Variants in RIMS2 observed in about 807,000 individuals in gnomAD.
RIMS2 encodes the protein regulating synaptic membrane exocytosis 2, also known as regulating synaptic membrane exocytosis protein 2.
RIMS2 carries 59 observed loss-of-function variants against 174.4 expected under a neutral mutation model. The ratio of observed to expected loss-of-function variants is 0.34; its 90% CI spans 0.27 to 0.42. RIMS2 has a LOEUF of 0.42. Among genes scored for constraint, RIMS2 ranks in the 10% least tolerant of loss-of-function variants. RIMS2 has a pLI of 1.00. For synonymous variants in RIMS2, 606 were observed against 572.5 expected (o/e 1.06, Z -0.84); for missense variants, 1,620 against 1,666.3 (o/e 0.97, Z 0.48).
chr8:103,830,230 G>A (rs1239960928), intron 3 of RIMS2, among the ~76,000 whole-genome samples: 3 of 151,764 alleles, frequency 2.0e-5, no homozygotes, highest in Non-Finnish European at 4.4e-5. Flanking sequence ...AATGATTACT[G>A]TTCCTGTCTT....
At chr8:103,753,043 C>T (rs1189847634) in intron 2 of RIMS2, among the ~76,000 whole-genome samples, 4 of 151,944 alleles carry the variant, frequency 2.6e-5, no homozygotes, top group Non-Finnish European at 2.9e-5. Context: ...CCAGTTTTTG[C>T]CCATTCAGTA....
At chr8:104,168,975 C>A (rs1281023542) in intron 19 of RIMS2, among the ~76,000 whole-genome samples, 1 of 151,966 alleles carries the variant, frequency 6.6e-6, no homozygotes, top group Non-Finnish European at 1.5e-5. Context: ...GTTAAACCAT[C>A]CCTGCATCCC....
chr8:104,203,401 A>G (rs554199176), intron 19 of RIMS2, among the ~76,000 whole-genome samples: 38 of 152,150 alleles, frequency 2.5e-4, no homozygotes, highest in Admixed American at 2.2e-3. Context: ...AAGTGAAGAC[A>G]CTAAGTGAAG....
chr8:104,184,013 T>C (rs2098955010), intron 19 of RIMS2, among the ~76,000 whole-genome samples: 1 of 151,552 alleles, frequency 6.6e-6, no homozygotes, highest in Non-Finnish European at 1.5e-5. Context: ...ACTGAAACAT[T>C]GTATTTTTTC....
At chr8:104,115,890 T>C (rs1238500054) in intron 19 of RIMS2, among the ~76,000 whole-genome samples, 1 of 152,178 alleles carries the variant, frequency 6.6e-6, no homozygotes. Flanking sequence ...CTAATTCTTA[T>C]GTTATCTTTG....
chr8:103,577,433 A>T (rs2093328008), intron 1 of RIMS2, among the ~76,000 whole-genome samples: 1 of 152,154 alleles, frequency 6.6e-6, no homozygotes, highest in Non-Finnish European at 1.5e-5. Context: ...ACATGGACAC[A>T]GGGAGGGGAA....
intron 2 of RIMS2, among the ~76,000 whole-genome samples, chr8:103,761,596 C>T (rs2098113804): frequency 6.6e-6 from 1 of 152,168 alleles, no homozygotes; most frequent in South Asian, 2.1e-4. Flanking sequence ...ACCCATTCCA[C>T]TTATAATCCA....
chr8:103,730,385 A>T (rs1233539766), intron 2 of RIMS2, among the ~76,000 whole-genome samples: 3 of 152,016 alleles, frequency 2.0e-5, no homozygotes, highest in Admixed American at 6.6e-5. Flanking sequence ...TTGCTGATTG[A>T]CACCTTTATC....
chr8:104,251,124 A>G (rs2099357782), exon 23 of RIMS2: 1 of 1,613,288 alleles, frequency 6.2e-7, no homozygotes, highest in Non-Finnish European at 8.5e-7. Context: ...ACCAGCAGCT[A>G]TTATCTTTCG....
intron 19 of RIMS2, among the ~76,000 whole-genome samples, chr8:104,110,273 C>T (rs970500466): frequency 2.6e-5 from 4 of 152,040 alleles, no homozygotes; most frequent in Non-Finnish European, 5.9e-5. Flanking sequence ...TTCAGGGTTC[C>T]TTCCACTTCA....
intron 19 of RIMS2, among the ~76,000 whole-genome samples, chr8:104,228,024 CT>C (rs1004772231): frequency 0.02 from 2,665 of 133,554 alleles, 55 homozygotes; most frequent in African/African-American, 0.064. Context: ...TGTTTCTTTT[CT>C]TTTTTTTTTT....
At chr8:103,631,539 A>G (rs2095921039) in intron 1 of RIMS2, among the ~76,000 whole-genome samples, 1 of 152,188 alleles carries the variant, frequency 6.6e-6, no homozygotes, top group Admixed American at 6.5e-5. Context: ...GTAGCCTTGT[A>G]GTATAGTTCA....
At chr8:104,150,722 T>C (rs1406094826) in intron 19 of RIMS2, among the ~76,000 whole-genome samples, 1 of 152,114 alleles carries the variant, frequency 6.6e-6, no homozygotes, top group Non-Finnish European at 1.5e-5. Context: ...GAGATGAGGC[T>C]AGTAGATAAA....
At chr8:104,041,861 G>GT (rs1473081881) in intron 19 of RIMS2, among the ~76,000 whole-genome samples, 1 of 151,578 alleles carries the variant, frequency 6.6e-6, no homozygotes, top group African/African-American at 2.4e-5. Context: ...CACTGTTTAT[G>GT]TGTCAAGGCA....
exon 14 of RIMS2, chr8:103,942,822 A>T: frequency 6.2e-7 from 1 of 1,612,964 alleles, no homozygotes; most frequent in Non-Finnish European, 8.5e-7. Flanking sequence ...CCACATTGGT[A>T]CAAACTTCAG....
intron 2 of RIMS2, among the ~76,000 whole-genome samples, chr8:103,741,194 C>T (rs2097758444): frequency 6.6e-6 from 1 of 151,894 alleles, no homozygotes; most frequent in Non-Finnish European, 1.5e-5. Flanking sequence ...ACAAAAGGGA[C>T]TGGTTTTCTT....
chr8:104,090,540 GA>G (rs1391223363), intron 19 of RIMS2, among the ~76,000 whole-genome samples: 2 of 151,706 alleles, frequency 1.3e-5, no homozygotes, highest in Non-Finnish European at 3.0e-5. Flanking sequence ...TGGGATACAC[GA>G]GTACCAGGTG....
chr8:103,866,542 A>G (rs2099085274), intron 3 of RIMS2, among the ~76,000 whole-genome samples: 1 of 152,046 alleles, frequency 6.6e-6, no homozygotes, highest in Admixed American at 6.6e-5. Flanking sequence ...ATAACAAACG[A>G]TATTTGAACA....
chr8:103,609,793 G>T (rs1026691581), intron 1 of RIMS2, among the ~76,000 whole-genome samples: 1 of 152,164 alleles, frequency 6.6e-6, no homozygotes, highest in Non-Finnish European at 1.5e-5. Flanking sequence ...TTTCTGCTTA[G>T]GATTGCCGTG....
Sources: gnomAD v4.1 joint callset for allele counts (sites outside exome capture counted in the v4.1 genomes callset) on GRCh38, gnomAD v4.1.1 for gene constraint, MANE v1.5 for transcripts, NCBI Gene and HGNC (gene_info 2026-07-23, HGNC 2026-07-21) for gene names.